Variants in IP6K1 observed in about 807,000 individuals in gnomAD.
IP6K1 encodes inositol hexakisphosphate kinase 1, also known as ATP:1D-myo-inositol-hexakisphosphate phosphotransferase.
A neutral mutation model predicts 38.3 loss-of-function variants in IP6K1; 13 were observed. That is an observed-to-expected ratio of 0.34 (90% CI 0.22 to 0.54). The LOEUF (loss-of-function observed/expected upper bound fraction) is 0.54. IP6K1 is among the 20% of genes least tolerant of loss of function. The pLI is 0.92. For synonymous variants in IP6K1, 212 were observed against 229.9 expected (o/e 0.92, Z 0.70); for missense variants, 397 against 599.8 (o/e 0.66, Z 3.53).
chr3:49,775,389 T>C (rs770507623), intron 1 of IP6K1: 2 of 365,012 alleles, frequency 5.5e-6, no homozygotes, highest in African/African-American at 2.1e-5. Flanking sequence ...TTTGTGACTT[T>C]GTGCGTCCCT....
intron 1 of IP6K1, among the ~76,000 whole-genome samples, chr3:49,764,877 G>GA (rs768025154): frequency 3.5e-3 from 394 of 113,650 alleles, no homozygotes; most frequent in Middle Eastern, 4.8e-3. Context: ...ACTCTGTCTT[G>GA]AAAAAAAAAA....
At chr3:49,733,898 G>A (rs1042615667) in intron 3 of IP6K1, among the ~76,000 whole-genome samples, 4 of 152,204 alleles carry the variant, frequency 2.6e-5, no homozygotes, top group Admixed American at 2.6e-4. Context: ...GGGAGGCCAA[G>A]GTAGGAGGAT....
intron 4 of IP6K1, among the ~76,000 whole-genome samples, chr3:49,729,676 G>A (rs1460010159): frequency 2.0e-5 from 3 of 151,414 alleles, no homozygotes; most frequent in Non-Finnish European, 4.4e-5. Flanking sequence ...CCAAAGTGCT[G>A]GGATTACAGG....
Position 49,786,380 on chromosome 3 carries a change from A to C in IP6K1, c.-155T>G, listed in dbSNP as rs1206525367. On this transcript the variant is annotated 5_prime_UTR_variant, in exon 1 of 6. Transcript: ENST00000321599. ...TGCCCGGCCCGGGCACCGAGCGCCCACGGCTCCCTACGGGAGCTGGGCCCC... is the reference window on the plus strand; with the variant it reads ...TGCCCGGCCCGGGCACCGAGCGCCCCCGGCTCCCTACGGGAGCTGGGCCCC... 3 of 152,062 alleles carry C rather than the reference A, an allele frequency of 2.0e-5. No homozygotes were observed. Among genetic ancestry groups the C allele is most frequent in the African/African-American group, 7.2e-5 (3 of 41,416 alleles). The allele number at this position is 152,062 out of a possible 1,614,324, so 9.4% of individuals were successfully genotyped here.
At chr3:49,733,219 G>A (rs926139833) in intron 3 of IP6K1, among the ~76,000 whole-genome samples, 6 of 151,822 alleles carry the variant, frequency 4.0e-5, no homozygotes, top group African/African-American at 4.8e-5. Context: ...ATTATGTGAT[G>A]AAAATACCAC....
chr3:49,779,457 T>C (rs2081046575), intron 1 of IP6K1, among the ~76,000 whole-genome samples: 1 of 152,202 alleles, frequency 6.6e-6, no homozygotes, highest in Non-Finnish European at 1.5e-5. Flanking sequence ...GAACATTTGT[T>C]TTCATTTCTC....
chr3:49,764,949 A>C (rs914927679), intron 1 of IP6K1, among the ~76,000 whole-genome samples: 1 of 152,110 alleles, frequency 6.6e-6, no homozygotes, highest in African/African-American at 2.4e-5. Flanking sequence ...GACACATTAT[A>C]AAACAAAAAC....
chr3:49,767,082 C>G (rs1223102190), intron 1 of IP6K1, among the ~76,000 whole-genome samples: 1 of 148,260 alleles, frequency 6.7e-6, no homozygotes, highest in East Asian at 2.0e-4. Flanking sequence ...GGCAACTTAA[C>G]AAGATCCCAT....
Position 49,738,218 on chromosome 3 carries a change from G to C in IP6K1, c.428C>G (p.Ser143Cys), listed in dbSNP as rs1043765160. The C allele has an allele frequency of 6.2e-7, 1 of 1,613,558 alleles. No homozygotes were observed. The highest frequency in any genetic ancestry group is 1.1e-5 in the South Asian group (1 of 91,072). ...EEKASLSLETSESSQEAKSPK... is the reference protein window; with the variant it reads ...EEKASLSLETCESSQEAKSPK... ...CGAAACATGTACCTCTTACCTCTCA[G>C]AGGTCTCAAGGGACAGGCTGGCTTT... Residue 143 changes from serine to cysteine, a missense_variant, in exon 3 of 6, where the codon TCT becomes TGT. This residue lies in a region of IP6K1 where 171 missense variants were observed against 237.0 expected (regional missense o/e 0.72). Coordinates refer to ENST00000321599, the MANE Select transcript of IP6K1 (RefSeq NM_153273.4).
intron 1 of IP6K1, among the ~76,000 whole-genome samples, chr3:49,749,133 T>C (rs2080749603): frequency 6.6e-6 from 1 of 152,184 alleles, no homozygotes; most frequent in Non-Finnish European, 1.5e-5. Flanking sequence ...CTTTGCTTGC[T>C]TGCTCGCCTA....
chr3:49,783,851 A>G (rs1477609834), intron 1 of IP6K1, among the ~76,000 whole-genome samples: 1 of 152,152 alleles, frequency 6.6e-6, no homozygotes, highest in African/African-American at 2.4e-5. Flanking sequence ...AATGAAATAA[A>G]TAACTAAAGA....
intron 1 of IP6K1, chr3:49,775,642 A>T (rs1035909532): frequency 2.7e-6 from 2 of 729,846 alleles, no homozygotes; most frequent in African/African-American, 3.6e-5. Context: ...CCTCCCCACA[A>T]CATCAAGCTG....
At position 49,726,869 on chromosome 3, in the gene IP6K1, T is replaced by C. The variant is rs1272607287; in HGVS notation, c.*253A>G. 1 of 466,602 alleles carries C rather than the reference T, an allele frequency of 2.1e-6. No individual in the cohort carries two copies. The allele number at this position is 466,602 out of a possible 1,614,324, so 28.9% of individuals were successfully genotyped here. Reference sequence around the variant, plus strand: ...TGCCAAGCCCACCAGGGGCACCTCTTCCTTCCTAAGGCAGCCTGGACACAC... The same window carrying C: ...TGCCAAGCCCACCAGGGGCACCTCTCCCTTCCTAAGGCAGCCTGGACACAC... On this transcript the variant is annotated 3_prime_UTR_variant, in exon 6 of 6. Coordinates refer to ENST00000321599, the MANE Select transcript of IP6K1 (RefSeq NM_153273.4).
Position 49,767,271 on chromosome 3 carries a change from C to T in IP6K1, c.-129+19083G>A, listed in dbSNP as rs142309112. 2.8e-4 allele frequency among the ~76,000 whole-genome samples: 43 copies of T among 152,062 alleles called. No individual in the cohort carries two copies. In the East Asian group the frequency reaches 5.8e-3, roughly 21 times the overall value. ...CCAGCCTGGGTGACAGGATGAGACCCTATCTCTTAAAAAATAATAATAATT... is the reference window on the plus strand; with the variant it reads ...CCAGCCTGGGTGACAGGATGAGACCTTATCTCTTAAAAAATAATAATAATT... On this transcript the variant is annotated intron_variant, in intron 1 of 5. Transcript: ENST00000321599.
chr3:49,755,889 A>G (rs757784567), intron 1 of IP6K1, among the ~76,000 whole-genome samples: 24 of 152,192 alleles, frequency 1.6e-4, no homozygotes, highest in Non-Finnish European at 3.1e-4. Flanking sequence ...ATGAGACTGT[A>G]GACACTGATA....
intron 3 of IP6K1, among the ~76,000 whole-genome samples, chr3:49,733,861 G>A (rs2080583686): frequency 6.6e-6 from 1 of 152,202 alleles, no homozygotes; most frequent in African/African-American, 2.4e-5. Context: ...CAGGCACTGT[G>A]GGTCACAACT....
At chr3:49,736,018 G>A (rs527411007) in intron 3 of IP6K1, among the ~76,000 whole-genome samples, 1 of 152,234 alleles carries the variant, frequency 6.6e-6, no homozygotes, top group South Asian at 2.1e-4. Flanking sequence ...CTGGGTTCAA[G>A]TGATTCTCCT....
At chr3:49,754,881 A>C (rs1252044922) in intron 1 of IP6K1, among the ~76,000 whole-genome samples, 4 of 151,842 alleles carry the variant, frequency 2.6e-5, no homozygotes, top group African/African-American at 9.7e-5. Context: ...TTTGGCCAAC[A>C]TATTTTTACA....
In IP6K1 at chr3:49,724,769, A is replaced by C. The variant is rs1374274170; in HGVS notation, c.*2353T>G. On this transcript the variant is annotated 3_prime_UTR_variant, in exon 6 of 6. Coordinates refer to ENST00000321599, the MANE Select transcript of IP6K1 (RefSeq NM_153273.4). ...CCATGCTCACTGCACAGGCCCAGAG[A>C]GGGAGGGGTGGGGTCCCTGGCAAGT... 6.6e-6 allele frequency: 1 copy of C among 152,484 alleles called. No homozygotes were observed. The allele number at this position is 152,484 out of a possible 1,614,324, so 9.4% of individuals were successfully genotyped here.
Sources: gnomAD v4.1 joint callset for allele counts (sites outside exome capture counted in the v4.1 genomes callset) on GRCh38, gnomAD v4.1.1 for gene constraint, gnomAD v4.1.1 regional missense constraint, MANE v1.5 for transcripts, NCBI Gene and HGNC (gene_info 2026-07-23, HGNC 2026-07-21) for gene names.